Variants in LRFN2 observed in about 807,000 individuals in gnomAD.
LRFN2 encodes leucine rich repeat and fibronectin type III domain containing 2, also known as leucine-rich repeat and fibronectin type-III domain-containing protein 2.
A neutral mutation model predicts 37.3 loss-of-function variants in LRFN2; 18 were observed. The ratio of observed to expected loss-of-function variants is 0.48; its 90% confidence interval spans 0.33 to 0.72. The LOEUF is 0.72. Among genes scored for constraint, LRFN2 ranks in the 30% least tolerant of loss-of-function variants. The probability of loss-of-function intolerance (pLI) is 0.02; values close to 1 mark genes in which losing one functional copy is unlikely to be tolerated. For missense variants in LRFN2, 1,006 were observed against 1,060.7 expected (o/e 0.95, Z 0.72); for synonymous variants, 556 against 466.6 (o/e 1.19, Z -2.47).
intron 2 of LRFN2, among the ~76,000 whole-genome samples, chr6:40,424,486 C>T (rs558038702): frequency 6.6e-6 from 1 of 152,248 alleles, no homozygotes; most frequent in African/African-American, 2.4e-5. Flanking sequence ...GTAAAATCTA[C>T]GCAATCTGTT....
At chr6:40,444,582 C>T (rs992773844) in intron 1 of LRFN2, among the ~76,000 whole-genome samples, 1 of 152,164 alleles carries the variant, frequency 6.6e-6, no homozygotes, top group Non-Finnish European at 1.5e-5. Context: ...CAACCGGATA[C>T]AGCAGGAAGA....
In LRFN2 at chr6:40,392,214, C is replaced by A; in HGVS notation, c.2099G>T (p.Gly700Val). The A allele has an allele frequency of 2.5e-6, 4 of 1,571,020 alleles. No homozygotes were observed. The highest frequency in any genetic ancestry group is 3.4e-6 in the Non-Finnish European group (4 of 1,159,686). Residue 700 changes from glycine to valine, a missense_variant, in exon 3 of 3, where the codon GGG becomes GTG. Around this residue, in one of 4 missense-constraint regions of LRFN2, gnomAD observed 398 missense variants for 327.6 expected, o/e 1.21. Coordinates refer to ENST00000338305, the MANE Select transcript of LRFN2 (RefSeq NM_020737.3). This position sits in a 1 kb window ranked among gnomAD's most constrained non-coding sequence, Gnocchi z 4.7. ...GHHSDREPLL[G>V]PPAARARSLL... ...GCTCCTGGCCCGGGCCGCAGGGGGC[C>A]CCAGCAGTGGCTCTCGGTCCGAGTG...
chr6:40,486,484 G>T (rs1489158725), intron 1 of LRFN2, among the ~76,000 whole-genome samples: 2 of 152,144 alleles, frequency 1.3e-5, no homozygotes, highest in African/African-American at 4.8e-5. Context: ...TTCTTTCAGG[G>T]TTATGATGGG....
At chr6:40,568,846 C>G (rs1300492757) in intron 1 of LRFN2, among the ~76,000 whole-genome samples, 1 of 152,130 alleles carries the variant, frequency 6.6e-6, no homozygotes, top group African/African-American at 2.4e-5. Flanking sequence ...CTCAGCCTCC[C>G]GAGTAGCTGG....
chr6:40,459,998 T>C (rs371838767), intron 1 of LRFN2, among the ~76,000 whole-genome samples: 9 of 152,272 alleles, frequency 5.9e-5, no homozygotes, highest in Middle Eastern at 3.4e-3. Context: ...ATAACCACTG[T>C]ACAACGCTGC....
chr6:40,471,559 GA>G (rs1211630660), intron 1 of LRFN2, among the ~76,000 whole-genome samples: 1 of 152,178 alleles, frequency 6.6e-6, no homozygotes, highest in Non-Finnish European at 1.5e-5. Flanking sequence ...TGCTTTTGAG[GA>G]GTGGAGCTAC....
chr6:40,524,820 C>T lies in LRFN2; in HGVS notation c.-19+62121G>A, dbSNP rs139564786. 3.0e-3 allele frequency among the ~76,000 whole-genome samples: 454 copies of T among 152,326 alleles called. 3 individuals carry two copies. The highest frequency in any genetic ancestry group is 0.017 in the Middle Eastern group (5 of 294). ...AACTCATTCTTATCCTGAACCTCCA[C>T]CCCCTGACCTCCAACCCTTGCCTCA... On this transcript the variant is annotated intron_variant, in intron 1 of 2. Coordinates refer to ENST00000338305, the MANE Select transcript of LRFN2 (RefSeq NM_020737.3).
chr6:40,434,319 A>T (rs1763589548), intron 1 of LRFN2, among the ~76,000 whole-genome samples: 1 of 152,154 alleles, frequency 6.6e-6, no homozygotes, highest in African/African-American at 2.4e-5. Flanking sequence ...TTTCCTCACT[A>T]TCCCATGTTG....
chr6:40,499,216 T>C (rs1765311818), intron 1 of LRFN2, among the ~76,000 whole-genome samples: 1 of 152,146 alleles, frequency 6.6e-6, no homozygotes, highest in Admixed American at 6.5e-5. Context: ...CATGGAATAG[T>C]TGAGGTGCAA....
chr6:40,424,814 T>G (rs1159701510), intron 2 of LRFN2, among the ~76,000 whole-genome samples: 1 of 152,164 alleles, frequency 6.6e-6, no homozygotes, highest in Admixed American at 6.5e-5. Context: ...CCACTCCCTT[T>G]AGAGAACACC....
intron 1 of LRFN2, among the ~76,000 whole-genome samples, chr6:40,435,028 TATATATATATATATATATATATATAG>T (rs1338718861): frequency 6.0e-5 from 5 of 82,790 alleles, no homozygotes; most frequent in African/African-American, 2.0e-4. Flanking sequence ...TATATATATA[TATATATATATATATATATATATATAG>T]AGAGAGAGAG....
At chr6:40,411,089 A>G (rs1264455888) in intron 2 of LRFN2, among the ~76,000 whole-genome samples, 2 of 152,196 alleles carry the variant, frequency 1.3e-5, no homozygotes, top group African/African-American at 4.8e-5. Context: ...GTGTGAGTAA[A>G]TCACAGACTT....
intron 1 of LRFN2, among the ~76,000 whole-genome samples, chr6:40,514,433 G>T (rs1308869895): frequency 6.6e-6 from 1 of 152,148 alleles, no homozygotes; most frequent in Non-Finnish European, 1.5e-5. Flanking sequence ...TCCTGCCTCA[G>T]CCTCCTGAGT....
At chr6:40,555,604 T>G (rs189079108) in intron 1 of LRFN2, among the ~76,000 whole-genome samples, 1 of 152,258 alleles carries the variant, frequency 6.6e-6, no homozygotes, top group East Asian at 1.9e-4. Flanking sequence ...GAGATAATTC[T>G]TTCATTCTCA....
At chr6:40,497,925 A>C (rs1218859500) in intron 1 of LRFN2, among the ~76,000 whole-genome samples, 1 of 152,198 alleles carries the variant, frequency 6.6e-6, no homozygotes, top group Non-Finnish European at 1.5e-5. Context: ...ACAGCTATTT[A>C]TCATCTTTAC....
chr6:40,466,065 T>C (rs1313747735), intron 1 of LRFN2, among the ~76,000 whole-genome samples: 1 of 152,142 alleles, frequency 6.6e-6, no homozygotes, highest in Non-Finnish European at 1.5e-5. Flanking sequence ...GACTTGAGGC[T>C]CTCAGCTACT....
At chr6:40,436,406 A>AT (rs1180585635) in intron 1 of LRFN2, among the ~76,000 whole-genome samples, 2 of 152,206 alleles carry the variant, frequency 1.3e-5, no homozygotes, top group Non-Finnish European at 2.9e-5. Context: ...CCATTGCTGC[A>AT]TATAACACAT....
In LRFN2 at chr6:40,493,574, G is replaced by A. The variant is rs75232954; in HGVS notation, c.-18-60443C>T. On this transcript the variant is annotated intron_variant, in intron 1 of 2. Coordinates refer to ENST00000338305, the MANE Select transcript of LRFN2 (RefSeq NM_020737.3). ...ACACTACAATGGATGAGGCCAAATG[G>A]GACCCATAAATAGCTTCCTGAGTGC... 2.7e-3 allele frequency among the ~76,000 whole-genome samples: 407 copies of A among 152,280 alleles called. 2 individuals are homozygous for A. The highest frequency in any genetic ancestry group is 9.4e-3 in the African/African-American group (390 of 41,542).
intron 1 of LRFN2, among the ~76,000 whole-genome samples, chr6:40,486,286 C>A (rs1764956504): frequency 6.6e-6 from 1 of 152,070 alleles, no homozygotes; most frequent in Admixed American, 6.5e-5. Flanking sequence ...TGAGCAGAAT[C>A]AAGTGGGAAT....
Sources: gnomAD v4.1 joint callset for allele counts (sites outside exome capture counted in the v4.1 genomes callset) on GRCh38, gnomAD v4.1.1 for gene constraint, gnomAD v4.1.1 regional missense constraint, Gnocchi (gnomAD v3.1) non-coding constraint, MANE v1.5 for transcripts, NCBI Gene and HGNC (gene_info 2026-07-23, HGNC 2026-07-21) for gene names.